The following LLGL2 variants were observed in gnomAD, a reference collection of about 807,000 sequenced individuals.
LLGL2 encodes the protein LLGL2, scribble cell polarity complex component.
LLGL2 carries 81 observed loss-of-function variants against 123.2 expected under a neutral mutation model. The ratio of observed to expected loss-of-function variants is 0.66; its 90% CI spans 0.55 to 0.79. The LOEUF is 0.79. Ranked by LOEUF, LLGL2 falls within the 30% of genes least tolerant of loss-of-function variation. The probability of loss-of-function intolerance (pLI) is 0.00; values close to 1 mark genes in which losing one functional copy is unlikely to be tolerated. For synonymous variants in LLGL2, 577 were observed against 594.1 expected (o/e 0.97, Z 0.42); for missense variants, 1,273 against 1,414.6 (o/e 0.90, Z 1.61).
chr17:75,533,698 T>G (rs921345171), intron 1 of LLGL2: 1 of 152,250 alleles, frequency 6.6e-6, no homozygotes, highest in Non-Finnish European at 1.5e-5. Flanking sequence ...GAAAGTTGTT[T>G]CTAAAAGGTG....
rs2055536878 is a variant in LLGL2, at chr17:75,568,398, A to C, written c.1037-78A>C. On this transcript the variant is annotated intron_variant, in intron 10 of 25. Transcript: ENST00000392550. ...CTGGATCTGCAGATGCCCTGGCTCC[A>C]ACCCTGGAGCTTCTGATTCCACAGA... 2.6e-6 allele frequency: 4 copies of C among 1,526,930 alleles called. No individual in the cohort carries two copies. In the South Asian group the frequency reaches 3.7e-5, roughly 14 times the overall value. 94.6% of individuals were successfully genotyped at this position (1,526,930 alleles called of 1,614,324 possible).
At position 75,558,011 on chromosome 17, in the gene LLGL2, C is replaced by T. The variant is rs1434357371; in HGVS notation, c.174-144C>T. 1 of 805,914 alleles carries T rather than the reference C, an allele frequency of 1.2e-6. No homozygotes were observed. The highest frequency in any genetic ancestry group is 1.3e-5 in the South Asian group (1 of 74,552). 49.9% of individuals were successfully genotyped at this position (805,914 alleles called of 1,614,324 possible). A position where few individuals can be genotyped will look rare whatever the true frequency, so the allele number is the denominator to read the frequency against. ...TGCTGTGTCTCCTCCCCACCCTAGGCTCCATGCATGGGTCCTGCTGCCTCG... is the reference window on the plus strand; with the variant it reads ...TGCTGTGTCTCCTCCCCACCCTAGGTTCCATGCATGGGTCCTGCTGCCTCG... On this transcript the variant is annotated intron_variant, in intron 3 of 25. Coordinates refer to ENST00000392550, the MANE Select transcript of LLGL2 (RefSeq NM_001031803.2). The surrounding 1 kb of genome is among the most constrained non-coding windows in gnomAD (Gnocchi z 4.0).
At chr17:75,543,330 T>G in intron 1 of LLGL2, 67 bp from the exon 2 acceptor site, 1 of 1,116,710 alleles carries the variant, frequency 9.0e-7, no homozygotes, top group Non-Finnish European at 1.3e-6. Flanking sequence ...GCTCCACCTG[T>G]TTGGGCCGGG....
At position 75,570,258 on chromosome 17, in the gene LLGL2, G is replaced by A; in HGVS notation, c.1874+3G>A. The stretch of plus-strand genomic sequence containing the variant: ...CAGCGGCGGCAGGTCTTTGTTAAGT[G>A]AGCAGGGGCGGCTGGGTCCCGGGGC... On this transcript the variant is annotated splice_donor_region_variant and intron_variant, in intron 15 of 25. Transcript: ENST00000392550. 6.2e-7 allele frequency: 1 copy of A among 1,600,132 alleles called. No homozygotes were observed. The highest frequency in any genetic ancestry group is 8.5e-7 in the Non-Finnish European group (1 of 1,173,116).
At chr17:75,562,955 T>G in intron 6 of LLGL2, 61 bp from the exon 7 acceptor site, 1 of 1,590,798 alleles carries the variant, frequency 6.3e-7, no homozygotes, top group Non-Finnish European at 8.5e-7. Context: ...GGCTGTGCCA[T>G]GCTGGGGGCC....
In LLGL2 at chr17:75,564,731, G is replaced by T. The variant is rs2055371960; in HGVS notation, c.1036+224G>T. ...ATAAAAAAATTAGCCAGGTGTTGTG[G>T]CACGTACCTGTAGTCCTAGCTACTC... On this transcript the variant is annotated intron_variant, in intron 10 of 25. Transcript: ENST00000392550. This position sits in a 1 kb window ranked among gnomAD's most constrained non-coding sequence, Gnocchi z 4.9. 1.6e-6 allele frequency: 1 copy of T among 621,082 alleles called. No individual in the cohort carries two copies. Among genetic ancestry groups the T allele is most frequent in the East Asian group, 3.1e-5 (1 of 32,252 alleles). The allele number at this position is 621,082 out of a possible 1,614,324, so 38.5% of individuals were successfully genotyped here. A position where few individuals can be genotyped will look rare whatever the true frequency, so the allele number is the denominator to read the frequency against.
rs568237908 is a variant in LLGL2, at chr17:75,550,986, G to T, written c.76-5060G>T. On this transcript the variant is annotated intron_variant, in intron 2 of 25. Coordinates refer to ENST00000392550, the MANE Select transcript of LLGL2 (RefSeq NM_001031803.2). ...CCAATCCCTTCCCTGTTCCCAACAA[G>T]ATCCCTTGGGCTTCTCATAACTAAC... 1.1e-4 allele frequency among the ~76,000 whole-genome samples: 17 copies of T among 152,164 alleles called. No individual in the cohort carries two copies. The South Asian group carries it at 3.5e-3, about 32-fold the overall frequency.
chr17:75,572,926 A>G, intron 19 of LLGL2, 88 bp from the exon 20 acceptor site: 2 of 1,472,040 alleles, frequency 1.4e-6, no homozygotes, highest in Non-Finnish European at 1.8e-6. Context: ...ACCGGGAGGC[A>G]TGTGGGGAGG....
intron 3 of LLGL2, 92 bp downstream of exon 3, chr17:75,556,235 G>A (rs926551838): frequency 1.3e-5 from 13 of 1,004,406 alleles, no homozygotes; most frequent in East Asian, 4.9e-5. Context: ...CCCGTGGGCT[G>A]TTGGGATAAA....
In LLGL2 at chr17:75,563,067, G is replaced by C. The variant is rs749478316; in HGVS notation, c.582G>C (p.Leu194=). 3.7e-6 allele frequency: 6 copies of C among 1,613,164 alleles called. No individual in the cohort carries two copies. The highest frequency in any genetic ancestry group is 1.6e-4 in the Middle Eastern group (1 of 6,062). The change falls in exon 7 of 26, where the codon CTG becomes CTC. Residue 194 remains leucine (L), a synonymous_variant. Transcript: ENST00000392550. ...HRRVFEMVEA[L]QEHPRDPNQI... is the part of the protein sequence containing the mutation. ...GTGTGTTCGAGATGGTGGAGGCACTGCAGGAGCACCCTCGAGACCCCAACC... is the reference window on the plus strand; with the variant it reads ...GTGTGTTCGAGATGGTGGAGGCACTCCAGGAGCACCCTCGAGACCCCAACC...
chr17:75,528,182 C>T (rs890928673), intron 1 of LLGL2, among the ~76,000 whole-genome samples: 5 of 151,996 alleles, frequency 3.3e-5, no homozygotes, highest in Non-Finnish European at 7.4e-5. Flanking sequence ...GTGGCGAGAT[C>T]TCGGCTCACT....
chr17:75,561,335 A>T (rs937749166), intron 6 of LLGL2, among the ~76,000 whole-genome samples: 6 of 152,120 alleles, frequency 3.9e-5, no homozygotes, highest in African/African-American at 7.2e-5. Flanking sequence ...TAAGGACATT[A>T]TTTGCATTTA....
chr17:75,552,535 C>T (rs902784238), intron 2 of LLGL2, among the ~76,000 whole-genome samples: 6 of 152,142 alleles, frequency 3.9e-5, no homozygotes, highest in Non-Finnish European at 7.3e-5. Flanking sequence ...AATATTTTGA[C>T]GTGTGATTAA....
chr17:75,536,980 A>G (rs1163908868), intron 1 of LLGL2, among the ~76,000 whole-genome samples: 2 of 151,860 alleles, frequency 1.3e-5, no homozygotes, highest in African/African-American at 4.8e-5. Flanking sequence ...GGCACCCACC[A>G]CCATGCCCGG....
rs1568079542 is a variant in LLGL2 at position 75,573,089 on chromosome 17, G to A, written c.2536G>A (p.Val846Ile). ...CCTGGAGGGCTCAAGAGTGCGGCGG[G>A]TCAGCGTGGCCCACTTCGGCAGTCG... ...TALEGSRVRR[V>I]SVAHFGSRRA... The change falls in exon 20 of 26, where the codon GTC (valine) becomes ATC (isoleucine). Residue 846 changes from valine to isoleucine, a missense_variant. Physicochemically the swap from Val to Ile is conservative, Grantham distance 29. Coordinates refer to ENST00000392550, the MANE Select transcript of LLGL2 (RefSeq NM_001031803.2). 2.5e-6 allele frequency: 4 copies of A among 1,612,900 alleles called. No individual in the cohort carries two copies. Among genetic ancestry groups the A allele is most frequent in the Non-Finnish European group, 2.5e-6 (3 of 1,179,946 alleles).
intron 13 of LLGL2, 34 bp from the exon 14 acceptor site, chr17:75,569,187 C>T (rs776546878): frequency 6.8e-6 from 11 of 1,611,994 alleles, no homozygotes; most frequent in South Asian, 2.2e-5. Flanking sequence ...GTCCTGTCCC[C>T]GTGGCTGCTC....
chr17:75,526,061 G>A (rs1210960210), intron 1 of LLGL2, among the ~76,000 whole-genome samples: 1 of 152,164 alleles, frequency 6.6e-6, no homozygotes, highest in Non-Finnish European at 1.5e-5. Context: ...TGAAACTTGG[G>A]CTTGGGTTTG....
chr17:75,538,846 T>C (rs1252238115), intron 1 of LLGL2, among the ~76,000 whole-genome samples: 1 of 152,212 alleles, frequency 6.6e-6, no homozygotes, highest in Non-Finnish European at 1.5e-5. Context: ...CTGAGACCTG[T>C]TGGCCACCAA....
intron 2 of LLGL2, among the ~76,000 whole-genome samples, chr17:75,550,135 A>AGAATAGCT (rs2054600284): frequency 6.6e-6 from 1 of 152,182 alleles, no homozygotes; most frequent in Admixed American, 6.5e-5. Flanking sequence ...AGAGATAGCT[A>AGAATAGCT]GGGTCCTAGA....
Sources: gnomAD v4.1 joint callset for allele counts (sites outside exome capture counted in the v4.1 genomes callset) on GRCh38, gnomAD v4.1.1 for gene constraint, Gnocchi (gnomAD v3.1) non-coding constraint, MANE v1.5 for transcripts, NCBI Gene and HGNC (gene_info 2026-07-23, HGNC 2026-07-21) for gene names.